TRAPPC9: variants seen among roughly 807,000 people sequenced by gnomAD.
TRAPPC9 encodes IKK2 binding protein.
A neutral mutation model predicts 124.0 loss-of-function variants in TRAPPC9; 83 were observed. That is an observed-to-expected ratio of 0.67 (90% CI 0.56 to 0.80). TRAPPC9 has a LOEUF of 0.80. TRAPPC9 is among the 30% of genes least tolerant of loss of function. TRAPPC9 has a pLI of 0.00. For synonymous variants in TRAPPC9, 638 were observed against 617.5 expected (o/e 1.03, Z -0.49); for missense variants, 1,302 against 1,508.3 (o/e 0.86, Z 2.27).
At chr8:139,932,771 A>C in intron 19 of TRAPPC9, 1 of 348,418 alleles carries the variant, frequency 2.9e-6, no homozygotes, top group Non-Finnish European at 5.7e-6. Context: ...CTTCAAAAAA[A>C]AAAAGCACTG....
intron 16 of TRAPPC9, among the ~76,000 whole-genome samples, chr8:140,244,422 A>G (rs2063930435): frequency 6.6e-6 from 1 of 152,250 alleles, no homozygotes; most frequent in African/African-American, 2.4e-5. Flanking sequence ...GTCAGCAGGG[A>G]AAGTTGACAT....
chr8:140,278,680 C>T (rs2065204220), intron 14 of TRAPPC9, among the ~76,000 whole-genome samples: 1 of 152,172 alleles, frequency 6.6e-6, no homozygotes, highest in African/African-American at 2.4e-5. Context: ...CGCAATTCCA[C>T]AGGAGATGCC....
intron 11 of TRAPPC9, among the ~76,000 whole-genome samples, chr8:140,295,204 A>G (rs112781005): frequency 5.9e-5 from 9 of 152,316 alleles, no homozygotes; most frequent in South Asian, 2.1e-4. Context: ...TGATTTATCA[A>G]TGCATCCCCA....
At chr8:140,141,246 A>G (rs1339839188) in intron 17 of TRAPPC9, among the ~76,000 whole-genome samples, 1 of 152,236 alleles carries the variant, frequency 6.6e-6, no homozygotes, top group Non-Finnish European at 1.5e-5. Flanking sequence ...AATAGCGGAA[A>G]TAAACAATTT....
chr8:140,201,118 T>A (rs2062778790), intron 17 of TRAPPC9, among the ~76,000 whole-genome samples: 1 of 151,556 alleles, frequency 6.6e-6, no homozygotes, highest in African/African-American at 2.4e-5. Flanking sequence ...GGAAGAAGAG[T>A]GTGACGGAGG....
At chr8:140,311,891 T>C (rs1011879470) in intron 9 of TRAPPC9, among the ~76,000 whole-genome samples, 6 of 152,186 alleles carry the variant, frequency 3.9e-5, no homozygotes, top group African/African-American at 1.4e-4. Flanking sequence ...CCCCCATCCC[T>C]TTCACAAGGA....
rs1290859573 is a variant in TRAPPC9 at position 140,175,798 on chromosome 8, CTTTA to C, written c.2556+45657_2556+45660del. ...TGACTTCTGGAATGCAGTGAGGATTCTTTATTTGTGTAGCAAACATTTACTAAGG... is the reference window on the plus strand; with the variant it reads ...TGACTTCTGGAATGCAGTGAGGATTCTTTGTGTAGCAAACATTTACTAAGG... On this transcript the variant is annotated intron_variant, in intron 17 of 22. Transcript: ENST00000438773. 7.9e-5 allele frequency among the ~76,000 whole-genome samples: 12 copies of C among 152,352 alleles called. No homozygotes were observed. In the Middle Eastern group the frequency reaches 0.01, roughly 130 times the overall value.
At chr8:140,108,974 G>T (rs2060715989) in intron 17 of TRAPPC9, among the ~76,000 whole-genome samples, 1 of 152,140 alleles carries the variant, frequency 6.6e-6, no homozygotes, top group African/African-American at 2.4e-5. Context: ...CTGAAAAACA[G>T]TGCAATATAA....
intron 7 of TRAPPC9, among the ~76,000 whole-genome samples, chr8:140,390,009 C>T (rs886250321): frequency 7.2e-5 from 11 of 152,044 alleles, no homozygotes; most frequent in African/African-American, 2.4e-4. Context: ...TAAAGCAAAA[C>T]GATAAAGATG....
chr8:140,194,050 A>G (rs2062569975), intron 17 of TRAPPC9, among the ~76,000 whole-genome samples: 2 of 152,314 alleles, frequency 1.3e-5, no homozygotes, highest in Admixed American at 1.3e-4. Flanking sequence ...TTAATCCATC[A>G]TTGTAACCCT....
chr8:139,970,219 T>G (rs1445773044), intron 19 of TRAPPC9, among the ~76,000 whole-genome samples: 1 of 151,878 alleles, frequency 6.6e-6, no homozygotes, highest in Non-Finnish European at 1.5e-5. Flanking sequence ...GCATCAGGAG[T>G]CCAGGTCCCA....
At chr8:140,180,805 G>A (rs747241528) in intron 17 of TRAPPC9, among the ~76,000 whole-genome samples, 13 of 151,678 alleles carry the variant, frequency 8.6e-5, no homozygotes, top group African/African-American at 1.9e-4. Flanking sequence ...TTTTCCTCTG[G>A]CTAAAGATTT....
intron 19 of TRAPPC9, among the ~76,000 whole-genome samples, chr8:139,972,279 C>T (rs1466903220): frequency 6.6e-6 from 1 of 152,162 alleles, no homozygotes; most frequent in Non-Finnish European, 1.5e-5. Flanking sequence ...ATAAAATGCC[C>T]ATGGCCCAAC....
intron 15 of TRAPPC9, among the ~76,000 whole-genome samples, chr8:140,256,913 T>C (rs2064278889): frequency 6.6e-6 from 1 of 152,120 alleles, no homozygotes; most frequent in East Asian, 1.9e-4. Flanking sequence ...TTTGCTCTTA[T>C]AATTATTCAG....
chr8:139,876,160 C>T (rs902130650), intron 21 of TRAPPC9, among the ~76,000 whole-genome samples: 5 of 152,238 alleles, frequency 3.3e-5, no homozygotes, highest in Non-Finnish European at 7.3e-5. Flanking sequence ...TGAAAGGGCA[C>T]GTTCTCGCTG....
chr8:140,103,906 C>T (rs1026053062), intron 17 of TRAPPC9, among the ~76,000 whole-genome samples: 3 of 152,200 alleles, frequency 2.0e-5, no homozygotes, highest in African/African-American at 7.2e-5. Context: ...CTCCACCCTC[C>T]CACCTGGGAG....
At chr8:140,179,330 C>G (rs1307820534) in intron 17 of TRAPPC9, among the ~76,000 whole-genome samples, 1 of 152,060 alleles carries the variant, frequency 6.6e-6, no homozygotes, top group East Asian at 1.9e-4. Flanking sequence ...CTTCTTGGAG[C>G]CCACGGGTTA....
intron 9 of TRAPPC9, among the ~76,000 whole-genome samples, chr8:140,314,926 C>T (rs1563939013): frequency 6.6e-6 from 1 of 152,378 alleles, no homozygotes; most frequent in East Asian, 1.9e-4. Context: ...CCCTTCGACA[C>T]TGACTTCATT....
chr8:140,337,962 T>C (rs2067088915), intron 9 of TRAPPC9, among the ~76,000 whole-genome samples: 6 of 152,194 alleles, frequency 3.9e-5, no homozygotes, highest in Admixed American at 3.3e-4. Flanking sequence ...AAAACGGGGT[T>C]GTCTGACAGT....
Sources: allele counts gnomAD v4.1 joint callset (sites outside exome capture counted in the v4.1 genomes callset), GRCh38; gene constraint gnomAD v4.1.1; transcripts MANE v1.5; gene names NCBI Gene and HGNC (gene_info 2026-07-23, HGNC 2026-07-21).